The following PIBF1 variants were observed in gnomAD, a reference collection of about 807,000 sequenced individuals.
PIBF1 encodes the protein progesterone-induced-blocking factor 1.
PIBF1 carries 90 observed loss-of-function variants against 112.5 expected under a neutral mutation model. The ratio of observed to expected loss-of-function variants is 0.80; its 90% CI spans 0.67 to 0.95. The LOEUF (loss-of-function observed/expected upper bound fraction) is 0.95. Among genes scored for constraint, PIBF1 ranks in the 40% least tolerant of loss-of-function variants. The pLI is 0.00. For missense variants in PIBF1, 915 were observed against 852.3 expected (o/e 1.07, Z -0.92); for synonymous variants, 301 against 288.6 (o/e 1.04, Z -0.44).
intron 14 of PIBF1, among the ~76,000 whole-genome samples, chr13:72,955,100 A>G (rs1045926326): frequency 6.6e-6 from 1 of 152,222 alleles, no homozygotes; most frequent in African/African-American, 2.4e-5. Context: ...TTGTTCTGAT[A>G]TGGAATTACA....
chr13:72,823,266 G>A (rs2036647422), intron 6 of PIBF1, among the ~76,000 whole-genome samples: 1 of 152,120 alleles, frequency 6.6e-6, no homozygotes. Flanking sequence ...CGGGGCCACG[G>A]ATGATCATTG....
intron 14 of PIBF1, among the ~76,000 whole-genome samples, chr13:72,952,634 GT>G (rs34543352): frequency 0.74 from 101,882 of 138,402 alleles, 37,431 homozygotes; most frequent in African/African-American, 0.8. Flanking sequence ...ATTCAACTGA[GT>G]TTTTTTTTTT....
rs187783381 is a variant in PIBF1, at chr13:72,967,996, T to C, written c.1964+2592T>C. Among the ~76,000 whole-genome samples the C allele has an allele frequency of 5.3e-3, 812 of 152,046 alleles. 15 individuals are homozygous for C. The highest frequency in any genetic ancestry group is 0.018 in the African/African-American group (761 of 41,514). ...GTCAGGAGATCGAGACCATCCTGGC[T>C]AACACGGTGAAACCCTGTCTCTACT... On this transcript the variant is annotated intron_variant, in intron 15 of 17. Transcript: ENST00000326291.
chr13:73,012,647 CGAA>C (rs1377522580), intron 17 of PIBF1, among the ~76,000 whole-genome samples: 1 of 151,400 alleles, frequency 6.6e-6, no homozygotes, highest in Non-Finnish European at 1.5e-5. Context: ...CCCAGCAACT[CGAA>C]GAGCTGAAGT....
chr13:72,820,239 GT>G (rs1178596213), intron 5 of PIBF1, among the ~76,000 whole-genome samples: 1 of 152,084 alleles, frequency 6.6e-6, no homozygotes, highest in East Asian at 1.9e-4. Flanking sequence ...CAGGAATTCA[GT>G]TTTAGACAGT....
chr13:72,947,625 A>G (rs2042184226), intron 14 of PIBF1, among the ~76,000 whole-genome samples: 1 of 152,166 alleles, frequency 6.6e-6, no homozygotes, highest in East Asian at 1.9e-4. Context: ...TGCCTCTTAG[A>G]AATTTTTCCC....
chr13:72,849,368 C>T (rs867038133), intron 9 of PIBF1, among the ~76,000 whole-genome samples: 42 of 152,168 alleles, frequency 2.8e-4, no homozygotes, highest in African/African-American at 1.0e-3. Context: ...GTACATGCTA[C>T]GGATAGCTTC....
intron 10 of PIBF1, among the ~76,000 whole-genome samples, chr13:72,867,008 A>T (rs1028713558): frequency 6.6e-6 from 1 of 152,200 alleles, no homozygotes; most frequent in African/African-American, 2.4e-5. Flanking sequence ...CAACCAATAT[A>T]TAAGTCTGTG....
intron 10 of PIBF1, among the ~76,000 whole-genome samples, chr13:72,863,804 G>A (rs1409108503): frequency 6.6e-6 from 1 of 152,122 alleles, no homozygotes; most frequent in Non-Finnish European, 1.5e-5. Flanking sequence ...ATGACACTAT[G>A]TACACAATAA....
intron 16 of PIBF1, among the ~76,000 whole-genome samples, chr13:72,984,117 A>C (rs1363524032): frequency 6.6e-6 from 1 of 152,148 alleles, no homozygotes; most frequent in African/African-American, 2.4e-5. Context: ...GTGTGACTTC[A>C]GGTCTGAAGA....
intron 2 of PIBF1, among the ~76,000 whole-genome samples, chr13:72,787,255 T>C (rs1237923299): frequency 1.3e-5 from 2 of 152,206 alleles, no homozygotes. Flanking sequence ...AAATAACACC[T>C]TTATTTGTAT....
intron 16 of PIBF1, among the ~76,000 whole-genome samples, chr13:72,990,897 GTT>G (rs2043459586): frequency 6.6e-6 from 1 of 152,096 alleles, no homozygotes; most frequent in African/African-American, 2.4e-5. Flanking sequence ...TATGTATTTG[GTT>G]TAAAACAAGA....
intron 14 of PIBF1, among the ~76,000 whole-genome samples, chr13:72,961,402 C>T (rs1308662818): frequency 1.3e-5 from 2 of 151,998 alleles, no homozygotes; most frequent in African/African-American, 4.8e-5. Flanking sequence ...CTAAAGTATA[C>T]TCTTAAAGGT....
chr13:72,932,116 A>G (rs970813107), intron 14 of PIBF1, among the ~76,000 whole-genome samples: 3 of 150,914 alleles, frequency 2.0e-5, no homozygotes, highest in African/African-American at 7.3e-5. Flanking sequence ...TAATTTTTGT[A>G]TTTTTTTGGT....
Position 72,808,694 on chromosome 13 carries a change from A to G in PIBF1, c.672+10668A>G, listed in dbSNP as rs565948758. Among the ~76,000 whole-genome samples, 182 of 152,264 alleles carry G rather than the reference A, an allele frequency of 1.2e-3. 1 individual carries two copies. The highest frequency in any genetic ancestry group is 3.9e-3 in the Admixed American group (60 of 15,286). ...TAAGCAGAAATTACCCAGAGAATTC[A>G]GTTTCCCCTCTCTGGCTATCTCTGA... On this transcript the variant is annotated intron_variant, in intron 5 of 17. Coordinates refer to ENST00000326291, the MANE Select transcript of PIBF1 (RefSeq NM_006346.4).
chr13:72,911,566 T>G lies in PIBF1; in HGVS notation c.1639+2885T>G, dbSNP rs553031003. Among the ~76,000 whole-genome samples, 4 of 147,540 alleles carry G rather than the reference T, an allele frequency of 2.7e-5. No individual in the cohort carries two copies. In the South Asian group the frequency reaches 8.3e-4, roughly 31 times the overall value. On this transcript the variant is annotated intron_variant, in intron 12 of 17. Coordinates refer to ENST00000326291, the MANE Select transcript of PIBF1 (RefSeq NM_006346.4). The stretch of plus-strand genomic sequence containing the variant: ...TACAACGTGGAGTACATTAAGACTT[T>G]TTTTGACATGGCCCTTGAATGTAAT...
chr13:72,931,399 T>C (rs2041692601), intron 14 of PIBF1, 132 bp downstream of exon 14: 16 of 691,014 alleles, frequency 2.3e-5, no homozygotes, highest in South Asian at 2.1e-4. Flanking sequence ...TTTATGAAAC[T>C]AACTGAATGT....
intron 14 of PIBF1, among the ~76,000 whole-genome samples, chr13:72,952,350 G>A (rs1251756489): frequency 1.3e-5 from 2 of 151,914 alleles, no homozygotes; most frequent in Admixed American, 6.6e-5. Context: ...CACCATGCCC[G>A]GCCCAGCTTT....
chr13:72,936,275 A>G (rs9543178), intron 14 of PIBF1, among the ~76,000 whole-genome samples: 1 of 151,986 alleles, frequency 6.6e-6, no homozygotes, highest in African/African-American at 2.4e-5. Context: ...GGCTCAAGTG[A>G]TCTTCCCACC....
Sources: allele counts gnomAD v4.1 joint callset (sites outside exome capture counted in the v4.1 genomes callset), GRCh38; gene constraint gnomAD v4.1.1; transcripts MANE v1.5; gene names NCBI Gene and HGNC (gene_info 2026-07-23, HGNC 2026-07-21).